VCAN: variants seen among roughly 807,000 people sequenced by gnomAD.
VCAN encodes the protein versican core protein.
In VCAN, 44 loss-of-function variants were observed where a neutral mutation model predicts 245.5. That is an observed-to-expected ratio of 0.18 (90% CI 0.14 to 0.23). The LOEUF (loss-of-function observed/expected upper bound fraction) is 0.23. Ranked by LOEUF, VCAN falls within the 10% of genes least tolerant of loss-of-function variation. VCAN has a pLI of 1.00. For missense variants in VCAN, 3,793 were observed against 4,057.9 expected, an observed-to-expected ratio of 0.93 and a Z score of 1.77; for synonymous variants, 1,413 against 1,437.0, an observed-to-expected ratio of 0.98 and a Z score of 0.38.
At chr5:83,472,567 T>A (rs1249817624) in intron 1 of VCAN, among the ~76,000 whole-genome samples, 5 of 152,112 alleles carry the variant, frequency 3.3e-5, no homozygotes, top group Non-Finnish European at 7.4e-5. Context: ...CTCCTGACAG[T>A]GCGACCCGGC....
chr5:83,560,012 A>G (rs1224186409), intron 12 of VCAN, among the ~76,000 whole-genome samples: 3 of 152,112 alleles, frequency 2.0e-5, no homozygotes. Context: ...ACCAAAAAAA[A>G]AAAAAGATAT....
intron 7 of VCAN, chr5:83,535,833 G>A (rs1216098654): frequency 6.6e-6 from 1 of 152,266 alleles, no homozygotes; most frequent in South Asian, 2.1e-4. Context: ...AACTCATTCT[G>A]TAGTATTATT....
At chr5:83,527,108 T>A (rs868237387) in intron 7 of VCAN, among the ~76,000 whole-genome samples, 1 of 152,182 alleles carries the variant, frequency 6.6e-6, no homozygotes, top group African/African-American at 2.4e-5. Context: ...TGTCAATTCC[T>A]GAAAGAGCAA....
chr5:83,511,280 A>G (rs1473916293), intron 5 of VCAN, among the ~76,000 whole-genome samples: 6 of 151,780 alleles, frequency 4.0e-5, no homozygotes, highest in Admixed American at 3.9e-4. Flanking sequence ...TCTTGAACCT[A>G]GTTAAAGCCC....
intron 11 of VCAN, among the ~76,000 whole-genome samples, chr5:83,554,700 G>A (rs1458440813): frequency 6.6e-6 from 1 of 152,040 alleles, no homozygotes; most frequent in Non-Finnish European, 1.5e-5. Flanking sequence ...TTTAATTATA[G>A]TAAATTGCTA....
chr5:83,557,873 A>G (rs16900582), intron 12 of VCAN, among the ~76,000 whole-genome samples: 1 of 152,134 alleles, frequency 6.6e-6, no homozygotes, highest in Non-Finnish European at 1.5e-5. Flanking sequence ...CCTCAGTTTG[A>G]AGAAGACACA....
Position 83,520,014 on chromosome 5 carries a change from A to C in VCAN, c.1708A>C (p.Thr570Pro). The C allele has an allele frequency of 3.7e-6, 6 of 1,614,098 alleles. No homozygotes were observed. The highest frequency in any genetic ancestry group is 5.1e-6 in the Non-Finnish European group (6 of 1,179,970). ...ACTTACAGTTGGATCTGATGAGAGC[A>C]CCTTGATCTTTGACCAAATTCCTGA... ...RTLTVGSDES[T>P]LIFDQIPEVI... The change falls in exon 7 of 15, where the codon ACC becomes CCC. Residue 570 changes from threonine (T) to proline (P), a missense_variant. Transcript: ENST00000265077.
intron 3 of VCAN, among the ~76,000 whole-genome samples, chr5:83,492,819 G>A (rs1745024789): frequency 6.6e-6 from 1 of 152,188 alleles, no homozygotes; most frequent in Non-Finnish European, 1.5e-5. Context: ...ATAAACATTT[G>A]AATGGTACAT....
chr5:83,546,781 TATC>T (rs1747243809), intron 9 of VCAN, among the ~76,000 whole-genome samples: 1 of 152,162 alleles, frequency 6.6e-6, no homozygotes, highest in Non-Finnish European at 1.5e-5. Context: ...TACTATATAA[TATC>T]ATGTTTACTA....
chr5:83,493,777 C>A, intron 4 of VCAN, 27 bp from the exon 5 acceptor site: 1 of 1,614,124 alleles, frequency 6.2e-7, no homozygotes, highest in South Asian at 1.1e-5. Flanking sequence ...GAAGAAAGTG[C>A]CACTAACTAG....
chr5:83,487,408 C>T (rs765300493), intron 2 of VCAN, among the ~76,000 whole-genome samples: 13 of 152,148 alleles, frequency 8.5e-5, no homozygotes, highest in Non-Finnish European at 2.9e-5. Context: ...TGGTAACAGC[C>T]AATGTTTTGT....
chr5:83,513,799 A>G (rs531026671), intron 6 of VCAN, among the ~76,000 whole-genome samples: 1 of 152,388 alleles, frequency 6.6e-6, no homozygotes, highest in East Asian at 1.9e-4. Context: ...CTCTAAAATC[A>G]GTTTTACATT....
chr5:83,511,577 T>TA (rs1379187500), intron 5 of VCAN, among the ~76,000 whole-genome samples: 8 of 151,882 alleles, frequency 5.3e-5, no homozygotes, highest in African/African-American at 1.9e-4. Context: ...CTTATTTTTT[T>TA]TTTTTTTTAT....
At chr5:83,577,232 G>A (rs529928498) in intron 13 of VCAN, among the ~76,000 whole-genome samples, 27 of 152,038 alleles carry the variant, frequency 1.8e-4, no homozygotes, top group Middle Eastern at 3.2e-3. Context: ...CAATTTTATC[G>A]TGAGTTCCTC....
At chr5:83,495,088 A>G (rs755706485) in intron 5 of VCAN, among the ~76,000 whole-genome samples, 1 of 152,228 alleles carries the variant, frequency 6.6e-6, no homozygotes, top group Non-Finnish European at 1.5e-5. Flanking sequence ...ATCCTAAAGT[A>G]TAGATAATAG....
At chr5:83,487,518 T>A (rs777995841) in intron 2 of VCAN, among the ~76,000 whole-genome samples, 4 of 152,222 alleles carry the variant, frequency 2.6e-5, no homozygotes, top group Admixed American at 2.0e-4. Context: ...CATTATACTC[T>A]GAACTACTGA....
At chr5:83,553,949 TTAA>T (rs1392055096) in intron 11 of VCAN, among the ~76,000 whole-genome samples, 1 of 152,244 alleles carries the variant, frequency 6.6e-6, no homozygotes, top group Non-Finnish European at 1.5e-5. Flanking sequence ...AATTGAATTG[TTAA>T]TAATAGCACC....
At chr5:83,512,473 C>T (rs778669103) in intron 6 of VCAN, 77 bp downstream of exon 6, 3 of 1,513,730 alleles carry the variant, frequency 2.0e-6, no homozygotes, top group South Asian at 1.2e-5. Context: ...TTCAACTAGC[C>T]GTTGGAGTGG....
intron 1 of VCAN, among the ~76,000 whole-genome samples, chr5:83,479,959 GCA>G (rs1301486856): frequency 6.6e-6 from 1 of 152,160 alleles, no homozygotes; most frequent in African/African-American, 2.4e-5. Context: ...CTAAGTGGGG[GCA>G]GTAATGGCCT....
Sources: allele counts gnomAD v4.1 joint callset (sites outside exome capture counted in the v4.1 genomes callset), GRCh38; gene constraint gnomAD v4.1.1; transcripts MANE v1.5; gene names NCBI Gene and HGNC (gene_info 2026-07-23, HGNC 2026-07-21).